Variants in EGLN1 observed in about 807,000 individuals in gnomAD.
The protein encoded by EGLN1 is egl nine homolog 1.
A neutral mutation model predicts 38.3 loss-of-function variants in EGLN1; 17 were observed. The observed-to-expected ratio is 0.44, with a 90% CI of 0.30 to 0.67. The LOEUF (loss-of-function observed/expected upper bound fraction) is 0.67, where lower values mean the gene tolerates loss of function less well. EGLN1 is among the 30% of genes least tolerant of loss of function. The pLI is 0.08. For missense variants in EGLN1, 477 were observed against 603.3 expected, an observed-to-expected ratio of 0.79 and a Z score of 2.19; for synonymous variants, 283 against 257.5, an observed-to-expected ratio of 1.10 and a Z score of -0.95.
At chr1:231,392,974 G>A (rs1420172461) in intron 1 of EGLN1, among the ~76,000 whole-genome samples, 2 of 152,198 alleles carry the variant, frequency 1.3e-5, no homozygotes, top group Non-Finnish European at 2.9e-5. Flanking sequence ...GCTCAAGCCT[G>A]GCCAGAAGTT....
intron 1 of EGLN1, among the ~76,000 whole-genome samples, chr1:231,401,554 C>T (rs1373426143): frequency 1.3e-5 from 2 of 149,952 alleles, no homozygotes; most frequent in African/African-American, 4.9e-5. Flanking sequence ...AAAAAAATTA[C>T]AAATAGTACA....
chr1:231,412,356 A>G (rs1407355663), intron 1 of EGLN1, among the ~76,000 whole-genome samples: 1 of 152,210 alleles, frequency 6.6e-6, no homozygotes. Flanking sequence ...TATTTTCAAC[A>G]GTAGGTTTAA....
At chr1:231,388,319 GAA>G (rs113240553) in intron 1 of EGLN1, among the ~76,000 whole-genome samples, 12 of 152,230 alleles carry the variant, frequency 7.9e-5, no homozygotes, top group African/African-American at 2.9e-4. Flanking sequence ...TTAAAATCTT[GAA>G]AAATATTCTC....
At chr1:231,403,131 T>TTA (rs1256381631) in intron 1 of EGLN1, among the ~76,000 whole-genome samples, 1 of 152,198 alleles carries the variant, frequency 6.6e-6, no homozygotes, top group Admixed American at 6.5e-5. Context: ...AATCCTTAAG[T>TTA]TATTAAGACC....
intron 1 of EGLN1, among the ~76,000 whole-genome samples, chr1:231,393,474 G>A (rs1688445360): frequency 6.6e-6 from 1 of 152,154 alleles, no homozygotes; most frequent in South Asian, 2.1e-4. Context: ...CTGGGCATGT[G>A]TCTAATCCTA....
rs543849401 is a variant in EGLN1 at position 231,384,031 on chromosome 1, G to A, written c.892-9932C>T. ...TTGTAGAGGATGGCCCAGATGCCAC[G>A]AAATAAAAGGTTATGGACACACTGC... On this transcript the variant is annotated intron_variant, in intron 1 of 4. Coordinates refer to ENST00000366641, the MANE Select transcript of EGLN1 (RefSeq NM_022051.3). Among the ~76,000 whole-genome samples, 12 of 152,160 alleles carry A rather than the reference G, an allele frequency of 7.9e-5. No homozygotes were observed. In the South Asian group the frequency reaches 1.9e-3, roughly 24 times the overall value.
intron 1 of EGLN1, among the ~76,000 whole-genome samples, chr1:231,395,181 C>T (rs1209682188): frequency 6.6e-6 from 1 of 152,198 alleles, no homozygotes; most frequent in Non-Finnish European, 1.5e-5. Flanking sequence ...CAACATACAA[C>T]ATATCTGTCT....
At position 231,374,057 on chromosome 1, in the gene EGLN1, G is replaced by A. The variant is rs748814440; in HGVS notation, c.934C>T (p.Arg312Cys). 11 of 1,613,248 alleles carry A rather than the reference G, an allele frequency of 6.8e-6. No individual in the cohort carries two copies. Among genetic ancestry groups the A allele is most frequent in the Admixed American group, 3.3e-5 (2 of 59,990 alleles). ...CYPGNGTGYV[R>C]HVDNPNGDGR... is the part of the protein sequence containing the mutation. ...TCTCCATTTGGATTATCAACATGAC[G>A]TACATAACCCGTTCCATTGCCCGGA... Residue 312 changes from arginine to cysteine, a missense_variant, in exon 2 of 5, where the codon CGT becomes TGT. By Grantham distance (180) the Arg-to-Cys change is radical (BLOSUM62 -3). This residue lies in a region of EGLN1 where 119 missense variants were observed against 179.0 expected (regional missense o/e 0.66). Coordinates refer to ENST00000366641, the MANE Select transcript of EGLN1 (RefSeq NM_022051.3).
At chr1:231,367,732 T>C in intron 3 of EGLN1, 96 bp from the exon 4 acceptor site, 3 of 1,028,086 alleles carry the variant, frequency 2.9e-6, no homozygotes, top group Non-Finnish European at 4.5e-6. Context: ...AATGCCAAAA[T>C]TATGCCTAAA....
intron 1 of EGLN1, among the ~76,000 whole-genome samples, chr1:231,410,755 T>C (rs1688917852): frequency 6.7e-6 from 1 of 148,828 alleles, no homozygotes; most frequent in African/African-American, 2.5e-5. Flanking sequence ...AAAAAACAAC[T>C]GAAAGGATAA....
Position 231,370,711 on chromosome 1 carries a change from C to A in EGLN1, c.1012-13G>T, listed in dbSNP as rs371091885. On this transcript the variant is annotated splice_polypyrimidine_tract_variant and intron_variant, in intron 2 of 4. Coordinates refer to ENST00000366641, the MANE Select transcript of EGLN1 (RefSeq NM_022051.3). ...TACCTCCACTTACCTAGGAAAAGAGCCAAATATGTAAGCAGGAGTAACCAA... is the reference window on the plus strand; with the variant it reads ...TACCTCCACTTACCTAGGAAAAGAGACAAATATGTAAGCAGGAGTAACCAA... The A allele has an allele frequency of 3.1e-6, 5 of 1,613,690 alleles. No homozygotes were observed. The African/African-American group carries it at 6.7e-5, about 22-fold the overall frequency.
At chr1:231,420,123 G>T (rs1293707085) in intron 1 of EGLN1, 1 of 152,162 alleles carries the variant, frequency 6.6e-6, no homozygotes, top group African/African-American at 2.4e-5. Flanking sequence ...AAGAAGTGAA[G>T]AAATCTGTGG....
At position 231,421,541 on chromosome 1, in the gene EGLN1, G is replaced by T; in HGVS notation, c.348C>A (p.Pro116=). 7.7e-7 allele frequency: 1 copy of T among 1,295,386 alleles called. No homozygotes were observed. Among genetic ancestry groups the T allele is most frequent in the East Asian group, 3.2e-5 (1 of 31,200 alleles). 80.2% of individuals were successfully genotyped at this position (1,295,386 alleles called of 1,614,324 possible). Residue 116 remains proline, a synonymous_variant, in exon 1 of 5, where the codon CCC becomes CCA. Transcript: ENST00000366641. The surrounding 1 kb of genome is among the most constrained non-coding windows in gnomAD (Gnocchi z 5.5). ...DAAKGKVKAK[P]PADPAAAASP... ...ACGCGGCCGCCGCTGGGTCGGCCGG[G>T]GGCTTGGCCTTTACTTTTCCCTTGG...
intron 1 of EGLN1, among the ~76,000 whole-genome samples, chr1:231,382,780 G>A (rs193299368): frequency 1.6e-4 from 25 of 152,078 alleles, no homozygotes; most frequent in Admixed American, 5.2e-4. Flanking sequence ...TTGGCAGGCC[G>A]GGCATGGTGG....
chr1:231,378,652 T>G (rs1338098788), intron 1 of EGLN1, among the ~76,000 whole-genome samples: 2 of 152,148 alleles, frequency 1.3e-5, no homozygotes, highest in African/African-American at 4.8e-5. Context: ...ACTCTGAGAA[T>G]AAAAGGAAGG....
intron 1 of EGLN1, among the ~76,000 whole-genome samples, chr1:231,399,203 C>T (rs1165397690): frequency 6.6e-6 from 1 of 152,170 alleles, no homozygotes; most frequent in Non-Finnish European, 1.5e-5. Context: ...GATCCCATTA[C>T]TCAGCAACTA....
intron 3 of EGLN1, chr1:231,369,697 C>G (rs1687765599): frequency 1.6e-6 from 1 of 627,628 alleles, no homozygotes; most frequent in African/African-American, 2.0e-5. Context: ...ATTACTAAAG[C>G]CAACTCTCCA....
At chr1:231,416,936 G>T (rs1572053879) in intron 1 of EGLN1, among the ~76,000 whole-genome samples, 1 of 152,274 alleles carries the variant, frequency 6.6e-6, no homozygotes, top group African/African-American at 2.4e-5. Context: ...TTCAATTTGT[G>T]TATCCTGGAT....
At chr1:231,409,279 T>G (rs1688873813) in intron 1 of EGLN1, among the ~76,000 whole-genome samples, 1 of 150,178 alleles carries the variant, frequency 6.7e-6, no homozygotes, top group Admixed American at 6.6e-5. Context: ...TCTCCTGGCC[T>G]GCAGACCAAG....
Sources: gnomAD v4.1 joint callset for allele counts (sites outside exome capture counted in the v4.1 genomes callset) on GRCh38, gnomAD v4.1.1 for gene constraint, gnomAD v4.1.1 regional missense constraint, Gnocchi (gnomAD v3.1) non-coding constraint, MANE v1.5 for transcripts, NCBI Gene and HGNC (gene_info 2026-07-23, HGNC 2026-07-21) for gene names.